The following TJP1 variants were observed in gnomAD, a reference collection of about 807,000 sequenced individuals.
TJP1 encodes tight junction protein 1.
Under a neutral mutation model 194.2 loss-of-function variants are expected in TJP1, and 43 were observed. The ratio of observed to expected loss-of-function variants is 0.22; its 90% CI spans 0.17 to 0.29. TJP1 has a LOEUF of 0.29. Ranked by LOEUF, TJP1 falls within the 10% of genes least tolerant of loss-of-function variation. TJP1 has a pLI of 1.00. For synonymous variants in TJP1, 801 were observed against 779.0 expected (o/e 1.03, Z -0.47); for missense variants, 1,971 against 2,185.7 (o/e 0.90, Z 1.96).
chr15:29,861,364 A>G (rs949091965), intron 2 of TJP1, among the ~76,000 whole-genome samples: 2 of 152,102 alleles, frequency 1.3e-5, no homozygotes, highest in African/African-American at 4.8e-5. Context: ...GTGGTATCTC[A>G]TTGTGATTTT....
intron 2 of TJP1, among the ~76,000 whole-genome samples, chr15:29,791,670 G>A (rs1220252849): frequency 6.6e-6 from 1 of 152,012 alleles, no homozygotes; most frequent in Non-Finnish European, 1.5e-5. Flanking sequence ...TGGGATTACA[G>A]GCGTGAGCCA....
intron 2 of TJP1, among the ~76,000 whole-genome samples, chr15:29,956,058 T>C (rs964333403): frequency 1.2e-4 from 18 of 152,212 alleles, no homozygotes; most frequent in African/African-American, 4.3e-4. Context: ...ACCAATGTTA[T>C]CATATCCATG....
intron 8 of TJP1, among the ~76,000 whole-genome samples, chr15:29,753,694 G>A (rs946337052): frequency 7.9e-5 from 12 of 151,916 alleles, no homozygotes; most frequent in Admixed American, 2.6e-4. Flanking sequence ...CATTGGTCAC[G>A]GTGTAAGGTA....
chr15:29,856,755 C>T (rs1005067949), intron 2 of TJP1, among the ~76,000 whole-genome samples: 1 of 151,588 alleles, frequency 6.6e-6, no homozygotes, highest in African/African-American at 2.4e-5. Context: ...GGGCAGATCA[C>T]GAGGTCAGGA....
At chr15:29,739,800 T>G (rs1320695806) in intron 10 of TJP1, among the ~76,000 whole-genome samples, 1 of 152,080 alleles carries the variant, frequency 6.6e-6, no homozygotes, top group African/African-American at 2.4e-5. Flanking sequence ...TACACAAGTT[T>G]TCAAGCAATT....
intron 17 of TJP1, 109 bp from the exon 18 acceptor site, chr15:29,726,588 G>A (rs957973261): frequency 1.2e-5 from 15 of 1,223,840 alleles, no homozygotes; most frequent in African/African-American, 1.5e-5. Context: ...TGGTATCTGA[G>A]GATGCAAACA....
At chr15:29,771,113 CAT>C (rs896651657) in intron 4 of TJP1, among the ~76,000 whole-genome samples, 2 of 152,192 alleles carry the variant, frequency 1.3e-5, no homozygotes, top group Non-Finnish European at 2.9e-5. Context: ...TAGACATACA[CAT>C]ACTTACCATT....
At chr15:29,728,129 G>C in intron 15 of TJP1, 110 bp from the exon 16 acceptor site, 1 of 822,380 alleles carries the variant, frequency 1.2e-6, no homozygotes, top group Non-Finnish European at 2.0e-6. Context: ...TACTTTGTTT[G>C]TGGAAACTGT....
At chr15:29,910,548 C>T (rs1464565) in intron 2 of TJP1, among the ~76,000 whole-genome samples, 39,196 of 151,980 alleles carry the variant, frequency 0.26, 5,311 homozygotes, top group Middle Eastern at 0.34. Flanking sequence ...TTATTGTCAG[C>T]GATTAATACT....
chr15:29,929,322 A>C (rs923226900), intron 2 of TJP1, among the ~76,000 whole-genome samples: 2 of 152,246 alleles, frequency 1.3e-5, no homozygotes, highest in Non-Finnish European at 2.9e-5. Flanking sequence ...TATGGGATTC[A>C]GCTAAACCAC....
At chr15:29,824,749 T>C (rs2050628247), upstream of TJP1, among the ~76,000 whole-genome samples, 1 of 152,202 alleles carries the variant, frequency 6.6e-6, no homozygotes, top group Non-Finnish European at 1.5e-5. Flanking sequence ...CACCTAAATC[T>C]AGAGACACTA....
intron 1 of TJP1, among the ~76,000 whole-genome samples, chr15:29,961,094 G>A (rs1230659154): frequency 6.6e-6 from 1 of 152,076 alleles, no homozygotes; most frequent in Non-Finnish European, 1.5e-5. Context: ...CAGGTGAGAA[G>A]AGCTATACAA....
chr15:29,716,586 T>C (rs1184819029), intron 23 of TJP1, 25 bp downstream of exon 23: 1 of 1,560,284 alleles, frequency 6.4e-7, no homozygotes, highest in Non-Finnish European at 8.8e-7. Context: ...CATCCTATTT[T>C]TAAAAGCCAG....
chr15:29,726,783 G>A lies in TJP1; in HGVS notation c.2309C>T (p.Thr770Ile). The change falls in exon 17 of 28, where the codon ACA becomes ATA. Residue 770 changes from threonine to isoleucine, a missense_variant and splice_region_variant. Coordinates refer to ENST00000614355, the MANE Select transcript of TJP1 (RefSeq NM_001330239.4). ...AAGGCCTTTATTAACATACTCACTT[G>A]TAAAAAGATGGTGATTATTTTTACG... ...KLRKNNHHLFTTTINLNSMND... is the reference protein window; with the variant it reads ...KLRKNNHHLFITTINLNSMND... The A allele has an allele frequency of 6.2e-7, 1 of 1,613,814 alleles. No homozygotes were observed. The highest frequency in any genetic ancestry group is 8.5e-7 in the Non-Finnish European group (1 of 1,179,880).
intron 2 of TJP1, among the ~76,000 whole-genome samples, chr15:29,857,348 A>G (rs948374064): frequency 2.0e-5 from 3 of 149,024 alleles, no homozygotes; most frequent in South Asian, 2.1e-4. Context: ...TCCTGTTTAG[A>G]AAAAAAAAAT....
chr15:29,906,561 G>T (rs993306097), intron 2 of TJP1, among the ~76,000 whole-genome samples: 5 of 151,552 alleles, frequency 3.3e-5, no homozygotes, highest in South Asian at 4.2e-4. Context: ...AAAATACTGG[G>T]TTTTTTTGTT....
intron 2 of TJP1, among the ~76,000 whole-genome samples, chr15:29,794,438 C>T (rs2048283044): frequency 6.6e-6 from 1 of 152,136 alleles, no homozygotes; most frequent in Non-Finnish European, 1.5e-5. Flanking sequence ...CAAAATGGAA[C>T]CTACATTAAT....
At position 29,710,940 on chromosome 15, in the gene TJP1, G is replaced by A. The variant is rs889560281; in HGVS notation, c.4263C>T (p.Pro1421=). ...DRSFGEKRYE[P]IQATPPPPPL... Reference sequence around the variant, plus strand: ...GAGGAGGAGGGGGAGTGGCCTGGATGGGTTCATAGCGTTTCTCGCCAAATG... The same window carrying A: ...GAGGAGGAGGGGGAGTGGCCTGGATAGGTTCATAGCGTTTCTCGCCAAATG... Residue 1421 remains proline, a synonymous_variant, in exon 24 of 28, where the codon CCC becomes CCT. Coordinates refer to ENST00000614355, the MANE Select transcript of TJP1 (RefSeq NM_001330239.4). The A allele has an allele frequency of 6.8e-6, 11 of 1,614,156 alleles. No individual in the cohort carries two copies. The highest frequency in any genetic ancestry group is 1.1e-5 in the South Asian group (1 of 91,080).
At chr15:29,869,115 G>A (rs1389004767) in intron 2 of TJP1, among the ~76,000 whole-genome samples, 1 of 152,140 alleles carries the variant, frequency 6.6e-6, no homozygotes, top group Non-Finnish European at 1.5e-5. Flanking sequence ...GCCAGATTCC[G>A]ATCTCACTCC....
Sources: allele counts gnomAD v4.1 joint callset (sites outside exome capture counted in the v4.1 genomes callset), GRCh38; gene constraint gnomAD v4.1.1; transcripts MANE v1.5; gene names NCBI Gene and HGNC (gene_info 2026-07-23, HGNC 2026-07-21).